The following NTRK3 variants were observed in gnomAD, a reference collection of about 807,000 sequenced individuals.
NTRK3 encodes the protein NT-3 growth factor receptor.
NTRK3 carries 24 observed loss-of-function variants against 91.7 expected under a neutral mutation model. The observed-to-expected ratio is 0.26, with a 90% CI of 0.19 to 0.37. NTRK3 has a LOEUF of 0.37. Among genes scored for constraint, NTRK3 ranks in the 10% least tolerant of loss-of-function variants. The pLI is 1.00. For synonymous variants in NTRK3, 483 were observed against 404.0 expected (o/e 1.20, Z -2.34); for missense variants, 880 against 1,068.9 (o/e 0.82, Z 2.46).
At chr15:87,999,777 G>A (rs1376972566) in intron 14 of NTRK3, among the ~76,000 whole-genome samples, 4 of 152,198 alleles carry the variant, frequency 2.6e-5, no homozygotes, top group African/African-American at 9.7e-5. Context: ...ACAGACAATA[G>A]AGGCTTACTA....
chr15:87,966,110 A>AC (rs2072771493), intron 14 of NTRK3, among the ~76,000 whole-genome samples: 1 of 150,190 alleles, frequency 6.7e-6, no homozygotes, highest in African/African-American at 2.5e-5. Flanking sequence ...AAACAAACAA[A>AC]AAACTCCACT....
chr15:88,145,167 C>T lies in NTRK3; in HGVS notation c.464+2168G>A, dbSNP rs149785599. Among the ~76,000 whole-genome samples the T allele has an allele frequency of 1.6e-3, 242 of 152,288 alleles. 1 individual carries two copies. Among genetic ancestry groups the T allele is most frequent in the Middle Eastern group, 6.8e-3 (2 of 292 alleles). ...CATGTGGACTAATAAGGAAGTCAGA[C>T]AAGAAAATACTACCCCCTCTTCCAT... On this transcript the variant is annotated intron_variant, in intron 6 of 18. Transcript: ENST00000394480.
At chr15:88,238,661 T>G (rs774018705) in intron 3 of NTRK3, among the ~76,000 whole-genome samples, 1 of 152,234 alleles carries the variant, frequency 6.6e-6, no homozygotes, top group Non-Finnish European at 1.5e-5. Context: ...CTCTGCAACT[T>G]ATTATATTTT....
At chr15:88,111,963 G>A (rs1008696272) in intron 13 of NTRK3, among the ~76,000 whole-genome samples, 3 of 150,626 alleles carry the variant, frequency 2.0e-5, no homozygotes, top group African/African-American at 4.9e-5. Flanking sequence ...CTGGAGTGCA[G>A]TGGCACGATC....
chr15:88,181,418 C>T (rs544124536), intron 5 of NTRK3, among the ~76,000 whole-genome samples: 2 of 152,280 alleles, frequency 1.3e-5, no homozygotes, highest in Admixed American at 6.5e-5. Flanking sequence ...TGGTACAACC[C>T]ACTTCAGAGC....
chr15:88,175,291 G>A (rs758401106), intron 5 of NTRK3, among the ~76,000 whole-genome samples: 1 of 152,098 alleles, frequency 6.6e-6, no homozygotes, highest in Non-Finnish European at 1.5e-5. Context: ...AACATCCTTT[G>A]CCCCACGGCA....
At chr15:87,950,230 G>T (rs1242859617) in intron 14 of NTRK3, among the ~76,000 whole-genome samples, 1 of 152,210 alleles carries the variant, frequency 6.6e-6, no homozygotes, top group South Asian at 2.1e-4. Context: ...GCAGCTCCAT[G>T]ATGAAAGTCT....
chr15:88,016,322 G>T (rs1489829230), intron 14 of NTRK3, among the ~76,000 whole-genome samples: 2 of 152,196 alleles, frequency 1.3e-5, no homozygotes, highest in African/African-American at 2.4e-5. Flanking sequence ...TGCATGGGAA[G>T]CCAATGAGGA....
At chr15:88,127,980 A>G (rs984198208) in intron 11 of NTRK3, among the ~76,000 whole-genome samples, 7 of 152,222 alleles carry the variant, frequency 4.6e-5, no homozygotes, top group African/African-American at 1.7e-4. Flanking sequence ...AAGGCTGAAG[A>G]CAACTAAAGA....
chr15:88,200,895 GACAAGA>G (rs1249408328), intron 3 of NTRK3, among the ~76,000 whole-genome samples: 1 of 152,138 alleles, frequency 6.6e-6, no homozygotes, highest in East Asian at 1.9e-4. Context: ...GAAAATCTGG[GACAAGA>G]GCTCTGCCCA....
intron 14 of NTRK3, chr15:87,978,725 T>TAAAA: frequency 4.3e-6 from 1 of 233,228 alleles, no homozygotes; most frequent in Non-Finnish European, 8.5e-6. Context: ...CCACCGAAAA[T>TAAAA]AAAAATAAAA....
Position 88,105,891 on chromosome 15 carries a change from G to A in NTRK3, c.1396+20380C>T, listed in dbSNP as rs1462441390. On this transcript the variant is annotated intron_variant, in intron 13 of 18. Coordinates refer to ENST00000394480, the Ensembl canonical transcript of NTRK3. ...AGCACCATTCACGTTTACAGATGAG[G>A]ACAGCAGAAGTTCAGAAAGTTTAAG... 5.3e-5 allele frequency among the ~76,000 whole-genome samples: 8 copies of A among 152,282 alleles called. No individual in the cohort carries two copies. In the South Asian group the frequency reaches 1.5e-3, roughly 28 times the overall value.
intron 3 of NTRK3, among the ~76,000 whole-genome samples, chr15:88,202,366 C>A (rs1457828885): frequency 6.6e-6 from 1 of 152,194 alleles, no homozygotes; most frequent in Non-Finnish European, 1.5e-5. Context: ...ATTTGGGAGA[C>A]AGGGCTCCTC....
exon 19 of NTRK3, chr15:87,863,170 A>G (rs1374240353): frequency 4.3e-6 from 1 of 229,888 alleles, no homozygotes. Context: ...TGTTACTCCA[A>G]ACCCATTTGT....
intron 14 of NTRK3, among the ~76,000 whole-genome samples, chr15:87,998,436 G>T (rs1179208412): frequency 6.6e-6 from 1 of 152,236 alleles, no homozygotes; most frequent in African/African-American, 2.4e-5. Context: ...GGCTGTATGT[G>T]TTATGGGGCA....
Position 87,963,954 on chromosome 15 carries a change from G to A in NTRK3, c.1586-23201C>T, listed in dbSNP as rs181083969. Among the ~76,000 whole-genome samples, 695 of 152,250 alleles carry A rather than the reference G, an allele frequency of 4.6e-3. 2 individuals are homozygous for A. The highest frequency in any genetic ancestry group is 6.2e-3 in the Non-Finnish European group (421 of 68,006). On this transcript the variant is annotated intron_variant, in intron 14 of 18. Transcript: ENST00000394480. ...TTTCCGTGTTTTATAAGAGCAAACT[G>A]TTGTGAAGAAATTAAATAAATTTGA...
chr15:87,873,177 G>A (rs895716248), exon 19 of NTRK3: 7 of 231,744 alleles, frequency 3.0e-5, no homozygotes, highest in African/African-American at 4.4e-5. Context: ...CACTAGAGAA[G>A]AACATTAATG....
At chr15:87,938,687 A>G (rs944442320) in intron 15 of NTRK3, among the ~76,000 whole-genome samples, 3 of 152,138 alleles carry the variant, frequency 2.0e-5, no homozygotes, top group Admixed American at 2.0e-4. Flanking sequence ...AAAGTGCAAA[A>G]ATGTTCAGTT....
At chr15:88,104,718 C>T (rs988371157) in intron 13 of NTRK3, among the ~76,000 whole-genome samples, 6 of 152,204 alleles carry the variant, frequency 3.9e-5, no homozygotes, top group Non-Finnish European at 7.3e-5. Flanking sequence ...ATCCTGTGTG[C>T]TGAGCTCAAG....
Sources: gnomAD v4.1 joint callset for allele counts (sites outside exome capture counted in the v4.1 genomes callset) on GRCh38, gnomAD v4.1.1 for gene constraint, MANE v1.5 for transcripts, NCBI Gene and HGNC (gene_info 2026-07-23, HGNC 2026-07-21) for gene names.